The following VPS8 variants were observed in gnomAD, a reference collection of about 807,000 sequenced individuals.
VPS8 encodes vacuolar protein sorting-associated protein 8 homolog.
A neutral mutation model predicts 216.4 loss-of-function variants in VPS8; 129 were observed. The ratio of observed to expected loss-of-function variants is 0.60; its 90% CI spans 0.52 to 0.69. VPS8 has a LOEUF of 0.69. VPS8 is among the 30% of genes least tolerant of loss of function. The pLI, the probability that VPS8 is intolerant of heterozygous loss-of-function variation, is 0.00. For missense variants in VPS8, 1,531 were observed against 1,683.5 expected, an observed-to-expected ratio of 0.91 and a Z score of 1.59; for synonymous variants, 571 against 565.4, an observed-to-expected ratio of 1.01 and a Z score of -0.14.
At chr3:184,953,814 C>T (rs1478761177) in intron 36 of VPS8, among the ~76,000 whole-genome samples, 2 of 152,120 alleles carry the variant, frequency 1.3e-5, no homozygotes, top group African/African-American at 2.4e-5. Context: ...AAGATTTTTC[C>T]TTATTTTCAT....
chr3:185,033,034 C>T (rs1039774236), intron 46 of VPS8, among the ~76,000 whole-genome samples: 8 of 152,124 alleles, frequency 5.3e-5, no homozygotes, highest in African/African-American at 1.9e-4. Flanking sequence ...ACAGAGTTCC[C>T]ATATGTTTGC....
At chr3:184,887,399 T>G (rs1253192179) in intron 22 of VPS8, among the ~76,000 whole-genome samples, 7 of 147,008 alleles carry the variant, frequency 4.8e-5, no homozygotes, top group African/African-American at 1.5e-4. Flanking sequence ...ATGCACAGGG[T>G]TTTTTTTTTC....
At chr3:184,836,190 AAT>A in intron 5 of VPS8, 1 of 448,880 alleles carries the variant, frequency 2.2e-6, no homozygotes, top group South Asian at 1.6e-5. Flanking sequence ...AGTGAATTTA[AAT>A]AGAGAGATGC....
At chr3:184,870,848 G>A in intron 21 of VPS8, 43 bp downstream of exon 21, 1 of 1,491,138 alleles carries the variant, frequency 6.7e-7, no homozygotes, top group African/African-American at 1.4e-5. Context: ...CTCTGGATAG[G>A]TCTAATACTC....
chr3:184,860,569 T>TC (rs1726163848), intron 15 of VPS8, among the ~76,000 whole-genome samples: 1 of 152,078 alleles, frequency 6.6e-6, no homozygotes, highest in Non-Finnish European at 1.5e-5. Flanking sequence ...TTATTGCCTT[T>TC]CAGTCTATGT....
chr3:184,952,536 A>G (rs62289466), intron 36 of VPS8, among the ~76,000 whole-genome samples: 4 of 151,990 alleles, frequency 2.6e-5, no homozygotes, highest in African/African-American at 9.7e-5. Flanking sequence ...GAAAATAAGC[A>G]GTTCAAGGGA....
Position 184,824,674 on chromosome 3 carries a change from C to G in VPS8, c.42C>G (p.Leu14=), listed in dbSNP as rs1199002462. 2 of 1,613,976 alleles carry G rather than the reference C, an allele frequency of 1.2e-6. No individual in the cohort carries two copies. Among genetic ancestry groups the G allele is most frequent in the Non-Finnish European group, 1.7e-6 (2 of 1,179,896 alleles). Residue 14 remains leucine, a synonymous_variant, in exon 2 of 48, where the codon CTC becomes CTG. Coordinates refer to ENST00000625842, the MANE Select transcript of VPS8 (RefSeq NM_001009921.3). The part of the protein sequence containing the change: ...EPDHENVEQS[L]CAKTSEEELN... ...ACCATGAAAATGTGGAACAGAGCCT[C>G]TGTGCCAAGACGAGCGAAGAAGAGC...
chr3:184,821,901 G>A (rs1717683420), intron 1 of VPS8, among the ~76,000 whole-genome samples: 1 of 152,088 alleles, frequency 6.6e-6, no homozygotes, highest in Non-Finnish European at 1.5e-5. Flanking sequence ...ATGAATCCTG[G>A]TGAAAGACTC....
intron 42 of VPS8, among the ~76,000 whole-genome samples, chr3:184,986,831 T>C (rs1202907119): frequency 6.6e-6 from 1 of 152,168 alleles, no homozygotes; most frequent in Non-Finnish European, 1.5e-5. Flanking sequence ...AGAATTCCCT[T>C]TTACCCCTTC....
chr3:184,870,348 G>A (rs7619460), intron 20 of VPS8, among the ~76,000 whole-genome samples: 74,875 of 151,876 alleles, frequency 0.49, 20,228 homozygotes, highest in African/African-American at 0.71. Flanking sequence ...ATAAACATTT[G>A]TGGAAAACCT....
At chr3:184,812,289 A>C (rs62286931) in intron 1 of VPS8, 64 bp downstream of exon 1, 1,664 of 152,408 alleles carry the variant, frequency 0.011, 15 homozygotes, top group Non-Finnish European at 0.018. Context: ...TATTCAGGGT[A>C]GGAGGAGAGC....
intron 36 of VPS8, among the ~76,000 whole-genome samples, chr3:184,949,539 C>G (rs960512529): frequency 6.6e-6 from 1 of 151,714 alleles, no homozygotes; most frequent in Non-Finnish European, 1.5e-5. Context: ...CTATGTGGAT[C>G]GTGGCGGTCT....
intron 25 of VPS8, among the ~76,000 whole-genome samples, chr3:184,905,776 C>T (rs957979978): frequency 6.6e-6 from 1 of 151,970 alleles, no homozygotes; most frequent in Non-Finnish European, 1.5e-5. Context: ...GAAACTTAGC[C>T]TGTAAACATT....
Position 184,926,761 on chromosome 3 carries a change from A to T in VPS8, c.2631+111A>T, listed in dbSNP as rs527271585. On this transcript the variant is annotated intron_variant, in intron 31 of 47. Transcript: ENST00000625842. ...CATGAGGGGCAATTACTTGTGCCAA[A>T]CCCTAATACGAAGTTAGAGTCAGTG... 3 of 1,055,182 alleles carry T rather than the reference A, an allele frequency of 2.8e-6. No individual in the cohort carries two copies. The East Asian group carries it at 8.1e-5, about 28-fold the overall frequency. 65.4% of individuals were successfully genotyped at this position (1,055,182 alleles called of 1,614,324 possible).
chr3:184,936,471 G>A (rs1046536519), intron 35 of VPS8, 136 bp downstream of exon 35: 1 of 808,942 alleles, frequency 1.2e-6, no homozygotes, highest in African/African-American at 1.7e-5. Context: ...TGGTGCAAAA[G>A]TGATTGTGGT....
rs146627096 is a variant in VPS8 at position 184,831,435 on chromosome 3, G to A, written c.223-1254G>A. Among the ~76,000 whole-genome samples the A allele has an allele frequency of 1.1e-4, 16 of 152,352 alleles. No homozygotes were observed. In the East Asian group the frequency reaches 2.9e-3, roughly 28 times the overall value. ...AGCTTGTAATGAGTGGATCGAGGTA[G>A]TGAGTAGACATTAATCTCTCAAGTA... On this transcript the variant is annotated intron_variant, in intron 3 of 47. Transcript: ENST00000625842.
intron 34 of VPS8, among the ~76,000 whole-genome samples, chr3:184,932,638 A>AC (rs555996710): frequency 5.9e-4 from 90 of 151,868 alleles, no homozygotes; most frequent in African/African-American, 2.0e-3. Flanking sequence ...ACAGTTTCTT[A>AC]CCTTTTTGTA....
intron 5 of VPS8, 95 bp downstream of exon 5, chr3:184,834,837 C>T: frequency 1.0e-6 from 1 of 953,760 alleles, no homozygotes; most frequent in Non-Finnish European, 1.5e-6. Flanking sequence ...TTCTCTTGGC[C>T]CGAGGCTTAA....
chr3:185,019,445 ATATT>A (rs1386018315), intron 45 of VPS8, among the ~76,000 whole-genome samples: 2 of 152,364 alleles, frequency 1.3e-5, no homozygotes, highest in East Asian at 3.9e-4. Flanking sequence ...ATTTACCTAC[ATATT>A]TATTGACAGC....
Sources: gnomAD v4.1 joint callset for allele counts (sites outside exome capture counted in the v4.1 genomes callset) on GRCh38, gnomAD v4.1.1 for gene constraint, MANE v1.5 for transcripts, NCBI Gene and HGNC (gene_info 2026-07-23, HGNC 2026-07-21) for gene names.